Variants in MFSD11 observed in about 807,000 individuals in gnomAD.
The protein encoded by MFSD11 is UNC93-like protein MFSD11.
In MFSD11, 36 loss-of-function variants were observed where a neutral mutation model predicts 53.5. That is an observed-to-expected ratio of 0.67 (90% CI 0.52 to 0.89). MFSD11 has a LOEUF of 0.89. MFSD11 is among the 40% of genes least tolerant of loss of function. The pLI, the probability that MFSD11 is intolerant of heterozygous loss-of-function variation, is 0.00. For synonymous variants in MFSD11, 186 were observed against 184.9 expected, an observed-to-expected ratio of 1.01 and a Z score of -0.05; for missense variants, 530 against 543.9, an observed-to-expected ratio of 0.97 and a Z score of 0.25.
the MFSD11 span, among the ~76,000 whole-genome samples, chr17:76,797,001 C>T: frequency 6.6e-6 from 1 of 151,832 alleles, no homozygotes; most frequent in African/African-American, 2.4e-5. Context: ...AAACTCATCT[C>T]TACTAAAAAT....
chr17:76,740,564 CT>C (rs1246713157), intron 2 of MFSD11, among the ~76,000 whole-genome samples: 1 of 152,176 alleles, frequency 6.6e-6, no homozygotes, highest in African/African-American at 2.4e-5. Context: ...CCCAGCTGGA[CT>C]TTTGGCAAAT....
intron 6 of MFSD11, 90 bp from the exon 7 acceptor site, chr17:76,744,232 T>A: frequency 8.1e-7 from 1 of 1,234,500 alleles, no homozygotes; most frequent in Non-Finnish European, 1.1e-6. Flanking sequence ...CGAGGAAGTG[T>A]GTTGACAGTT....
chr17:76,738,426 T>G lies in MFSD11; in HGVS notation c.74T>G (p.Phe25Cys), dbSNP rs2077712732. ...GCCTTTATGTTTATGTTCACTGCCT[T>G]TCAAACTTGTGGAAATGTGGCGGTG... Reference protein sequence around the residue: ...GVAFMFMFTAFQTCGNVAQTV... With the variant: ...GVAFMFMFTACQTCGNVAQTV... Residue 25 changes from phenylalanine to cysteine, a missense_variant, in exon 1 of 13, where the codon TTT becomes TGT. Transcript: ENST00000685175. 4 of 1,613,914 alleles carry G rather than the reference T, an allele frequency of 2.5e-6. No individual in the cohort carries two copies. The highest frequency in any genetic ancestry group is 1.7e-6 in the Non-Finnish European group (2 of 1,179,748).
At chr17:76,783,691 T>A (rs1256242064), downstream of MFSD11, among the ~76,000 whole-genome samples, 1 of 152,176 alleles carries the variant, frequency 6.6e-6, no homozygotes, top group Non-Finnish European at 1.5e-5. Context: ...CCCGAGTAGC[T>A]GGGATTACAG....
chr17:76,760,204 T>TGGTGGC (rs2080081056), intron 8 of MFSD11, among the ~76,000 whole-genome samples: 1 of 131,026 alleles, frequency 7.6e-6, no homozygotes, highest in African/African-American at 2.9e-5. Flanking sequence ...GGGGTGGGGG[T>TGGTGGC]GGTGGCGGGG....
chr17:76,751,018 C>G (rs978759642), intron 7 of MFSD11, among the ~76,000 whole-genome samples: 11 of 151,608 alleles, frequency 7.3e-5, no homozygotes, highest in African/African-American at 4.8e-5. Context: ...CCAGGCTGGT[C>G]TCAAACTCCT....
chr17:76,780,793 C>G (rs1321000445), downstream of MFSD11, among the ~76,000 whole-genome samples: 1 of 152,160 alleles, frequency 6.6e-6, no homozygotes, highest in Non-Finnish European at 1.5e-5. Context: ...GGATTACAGG[C>G]GTGAGCCACT....
intron 10 of MFSD11, among the ~76,000 whole-genome samples, chr17:76,773,663 A>G (rs1048275589): frequency 1.1e-4 from 16 of 152,094 alleles, no homozygotes; most frequent in African/African-American, 3.6e-4. Flanking sequence ...GGCGGAGTGC[A>G]GTGGCGCAAT....
chr17:76,769,803 A>C lies in MFSD11; in HGVS notation c.806A>C (p.Lys269Thr). The change falls in exon 10 of 13, where the codon AAA becomes ACA. Residue 269 changes from lysine (K) to threonine (T), a missense_variant. Lys to Thr is a moderately conservative substitution (Grantham distance 78). Transcript: ENST00000685175. ...GGAACCTGTATTGGTGCTACAAATA[A>C]ATTTGGAGCAGAAGAGAAAAGCCTT... ...VYGTCIGATN[K>T]FGAEEKSLIG... is the part of the protein sequence containing the mutation. The C allele has an allele frequency of 1.9e-6, 3 of 1,611,574 alleles. No homozygotes were observed. The highest frequency in any genetic ancestry group is 2.5e-6 in the Non-Finnish European group (3 of 1,178,182).
At chr17:76,736,994 C>G, upstream of MFSD11, 1 of 1,613,458 alleles carries the variant, frequency 6.2e-7, no homozygotes, top group Non-Finnish European at 8.5e-7. Context: ...GAAGGCGAAG[C>G]CGCGGGACTC....
At chr17:76,756,861 G>GAAA (rs912586788) in intron 8 of MFSD11, among the ~76,000 whole-genome samples, 7 of 100,674 alleles carry the variant, frequency 7.0e-5, no homozygotes, top group Non-Finnish European at 1.2e-4. Context: ...CTCCATCTCA[G>GAAA]AAAAAAAAAA....
At position 76,742,259 on chromosome 17, in the gene MFSD11, A is replaced by C. The variant is rs1303477888; in HGVS notation, c.423A>C (p.Ala141=). ...SIGRNSGIFW[A]LLQSSLFFGN... ...GGAGAAACAGTGGGATTTTCTGGGC[A>C]CTTCTGCAGTCTAGGTAATTATCCT... The change falls in exon 5 of 13, where the codon GCA becomes GCC. Residue 141 remains alanine, a synonymous_variant. Transcript: ENST00000685175. The C allele has an allele frequency of 1.2e-6, 2 of 1,613,704 alleles. No individual in the cohort carries two copies. The highest frequency in any genetic ancestry group is 1.7e-6 in the Non-Finnish European group (2 of 1,179,626).
chr17:76,763,791 A>G (rs1292213697), intron 8 of MFSD11, among the ~76,000 whole-genome samples: 1 of 152,108 alleles, frequency 6.6e-6, no homozygotes, highest in Non-Finnish European at 1.5e-5. Context: ...ACTTAAAAAA[A>G]AAAAATTCCC....
At chr17:76,755,375 G>A (rs2144495609) in intron 8 of MFSD11, among the ~76,000 whole-genome samples, 1 of 152,284 alleles carries the variant, frequency 6.6e-6, no homozygotes, top group East Asian at 1.9e-4. Flanking sequence ...TCAGGAGAGG[G>A]AATCTGACTG....
intron 8 of MFSD11, 62 bp downstream of exon 8, chr17:76,754,149 C>A (rs1568072080): frequency 1.4e-6 from 2 of 1,389,732 alleles, no homozygotes; most frequent in South Asian, 1.2e-5. Context: ...ATTTGCCTTT[C>A]CCCTATTCCC....
chr17:76,737,297 C>G (rs1015554500), upstream of MFSD11: 2 of 1,247,836 alleles, frequency 1.6e-6, no homozygotes, highest in Non-Finnish European at 2.2e-6. Context: ...ACAGCACGGA[C>G]GGGCTCCGCA....
chr17:76,778,113 A>T, intron 12 of MFSD11, 75 bp from the exon 13 acceptor site: 2 of 1,483,172 alleles, frequency 1.3e-6, no homozygotes, highest in Non-Finnish European at 1.9e-6. Context: ...GCAGGATAGG[A>T]GTGGGGCTAG....
In MFSD11 at chr17:76,776,575, A is replaced by T; in HGVS notation, c.1185+34A>T. The T allele has an allele frequency of 6.2e-7, 1 of 1,603,346 alleles. No individual in the cohort carries two copies. The highest frequency in any genetic ancestry group is 1.1e-5 in the South Asian group (1 of 89,224). ...TTCAGATTGTGATTGTGTTTGACAT[A>T]GGGCTCTTCCCTTTGTGTATTGCCT... On this transcript the variant is annotated intron_variant, in intron 12 of 12. Coordinates refer to ENST00000685175, the MANE Select transcript of MFSD11 (RefSeq NM_001242532.5). The surrounding 1 kb of genome is among the most constrained non-coding windows in gnomAD (Gnocchi z 4.2).
chr17:76,754,587 G>A (rs905784692), intron 8 of MFSD11, among the ~76,000 whole-genome samples: 1 of 151,376 alleles, frequency 6.6e-6, no homozygotes, highest in Non-Finnish European at 1.5e-5. Flanking sequence ...AGGAGGCTGA[G>A]GCAGGAGAAT....
Sources: allele counts gnomAD v4.1 joint callset (sites outside exome capture counted in the v4.1 genomes callset), GRCh38; gene constraint gnomAD v4.1.1; non-coding constraint Gnocchi (gnomAD v3.1); transcripts MANE v1.5; gene names NCBI Gene and HGNC (gene_info 2026-07-23, HGNC 2026-07-21).